The following C1orf185 variants were observed in gnomAD, a reference collection of about 807,000 sequenced individuals.
C1orf185 encodes the protein chromosome 1 open reading frame 185.
In C1orf185, 13 loss-of-function variants were observed where a neutral mutation model predicts 16.1. The ratio of observed to expected loss-of-function variants is 0.81; its 90% CI spans 0.53 to 1.28. C1orf185 has a LOEUF of 1.28. C1orf185 is among the 50% of genes most tolerant of loss of function. The probability of loss-of-function intolerance (pLI) is 0.00; values close to 1 mark genes in which losing one functional copy is unlikely to be tolerated. For synonymous variants in C1orf185, 80 were observed against 76.9 expected, an observed-to-expected ratio of 1.04 and a Z score of -0.21; for missense variants, 220 against 225.2, an observed-to-expected ratio of 0.98 and a Z score of 0.15.
chr1:51,124,081 G>GTTTTTTTTTTTTTTTTTTTTTT (rs893846873), intron 3 of C1orf185, among the ~76,000 whole-genome samples: 1 of 113,592 alleles, frequency 8.8e-6, no homozygotes, highest in African/African-American at 3.3e-5. Flanking sequence ...ACTGTAGTTT[G>GTTTTTTTTTTTTTTTTTTTTTT]TTTTTTTTTT....
intron 2 of C1orf185, among the ~76,000 whole-genome samples, chr1:51,117,610 T>C (rs1382210688): frequency 1.3e-5 from 2 of 152,214 alleles, no homozygotes; most frequent in East Asian, 3.9e-4. Flanking sequence ...AATCATATAG[T>C]ATGTAGCTTT....
At chr1:51,123,908 A>C (rs1646215812) in intron 3 of C1orf185, among the ~76,000 whole-genome samples, 1 of 151,838 alleles carries the variant, frequency 6.6e-6, no homozygotes, top group South Asian at 2.1e-4. Flanking sequence ...ATATATAACA[A>C]GTTTAAAATA....
At chr1:51,121,724 A>T (rs937758544) in intron 3 of C1orf185, among the ~76,000 whole-genome samples, 22 of 152,174 alleles carry the variant, frequency 1.4e-4, no homozygotes, top group African/African-American at 5.1e-4. Context: ...AAAACTAGAG[A>T]ATGATTTCTA....
In C1orf185 at chr1:51,147,447, T is replaced by C. The variant is rs1646408132; in HGVS notation, c.296-20T>C. On this transcript the variant is annotated intron_variant, in intron 4 of 4. Coordinates refer to ENST00000371759, the MANE Select transcript of C1orf185 (RefSeq NM_001136508.2). ...TTGGCTTGTGAATATATAATATTCA[T>C]AGTAAATCTGTTTTTACAGCAATTA... The C allele has an allele frequency of 1.3e-6, 2 of 1,485,706 alleles. No homozygotes were observed. The highest frequency in any genetic ancestry group is 1.4e-5 in the African/African-American group (1 of 70,804). 92.0% of individuals were successfully genotyped at this position (1,485,706 alleles called of 1,614,324 possible). A position where few individuals can be genotyped will look rare whatever the true frequency, so the allele number is the denominator to read the frequency against.
At chr1:51,103,480 G>A (rs764697294) in intron 1 of C1orf185, among the ~76,000 whole-genome samples, 1 of 145,106 alleles carries the variant, frequency 6.9e-6, no homozygotes, top group Admixed American at 6.9e-5. Context: ...AACTTGTTGA[G>A]TCTTGCTTTA....
At position 51,127,885 on chromosome 1, in the gene C1orf185, G is replaced by GTT. The variant is rs769457494; in HGVS notation, c.258+9103_258+9104dup. 5.4e-3 allele frequency among the ~76,000 whole-genome samples: 624 copies of GTT among 115,300 alleles called. 6 individuals are homozygous for GTT. The highest frequency in any genetic ancestry group is 0.013 in the African/African-American group (417 of 31,208). 75.6% of individuals were successfully genotyped at this position (115,300 alleles called of 152,430 possible). A position where few individuals can be genotyped will look rare whatever the true frequency, so the allele number is the denominator to read the frequency against. On this transcript the variant is annotated intron_variant, in intron 3 of 4. Transcript: ENST00000371759. ...ATATATTCTCATTTTTCTTTTCTTT[G>GTT]TTTTTTTTTTTTTTTTTTTTGAGAT...
Position 51,147,765 on chromosome 1 carries a change from T to C in C1orf185, c.594T>C (p.Thr198=), listed in dbSNP as rs1440256798. ...EEGTESVLND[T]L is the part of the protein sequence containing the mutation. ...GTACTGAAAGTGTACTGAATGACAC[T>C]TTATGACCATCAAAAAGATGACTAC... Residue 198 remains threonine, a synonymous_variant, in exon 5 of 5, where the codon ACT becomes ACC. Coordinates refer to ENST00000371759, the MANE Select transcript of C1orf185 (RefSeq NM_001136508.2). 5 of 1,513,528 alleles carry C rather than the reference T, an allele frequency of 3.3e-6. No homozygotes were observed. The Admixed American group carries it at 1.2e-4, about 35-fold the overall frequency. 93.8% of individuals were successfully genotyped at this position (1,513,528 alleles called of 1,614,324 possible).
At chr1:51,124,645 A>G (rs1318014510) in intron 3 of C1orf185, among the ~76,000 whole-genome samples, 1 of 152,224 alleles carries the variant, frequency 6.6e-6, no homozygotes, top group Non-Finnish European at 1.5e-5. Flanking sequence ...GAGTGGATCA[A>G]TGCAAATGGA....
intron 3 of C1orf185, among the ~76,000 whole-genome samples, chr1:51,124,774 T>C (rs1378003212): frequency 3.3e-5 from 5 of 152,200 alleles, no homozygotes; most frequent in Non-Finnish European, 7.4e-5. Context: ...CTTGTATTAA[T>C]GAGCAATGAA....
intron 2 of C1orf185, among the ~76,000 whole-genome samples, chr1:51,114,827 T>C (rs1000992015): frequency 2.0e-5 from 3 of 152,350 alleles, no homozygotes; most frequent in African/African-American, 7.2e-5. Context: ...AGATTTGAAA[T>C]GTACAGCTAT....
At chr1:51,105,784 T>TA (rs1372430972) in intron 1 of C1orf185, among the ~76,000 whole-genome samples, 1 of 152,180 alleles carries the variant, frequency 6.6e-6, no homozygotes, top group African/African-American at 2.4e-5. Context: ...TCTTTGTATA[T>TA]AATACGACTT....
In C1orf185 at chr1:51,147,773, C is replaced by T. The variant is rs1378328136; in HGVS notation, c.*2C>T. Reference sequence around the variant, plus strand: ...AGTGTACTGAATGACACTTTATGACCATCAAAAAGATGACTACATTAAGGG... The same window carrying T: ...AGTGTACTGAATGACACTTTATGACTATCAAAAAGATGACTACATTAAGGG... On this transcript the variant is annotated 3_prime_UTR_variant, in exon 5 of 5. Coordinates refer to ENST00000371759, the MANE Select transcript of C1orf185 (RefSeq NM_001136508.2). 1.3e-6 allele frequency: 2 copies of T among 1,502,698 alleles called. No homozygotes were observed. Among genetic ancestry groups the T allele is most frequent in the South Asian group, 2.6e-5 (2 of 76,938 alleles). 93.1% of individuals were successfully genotyped at this position (1,502,698 alleles called of 1,614,324 possible).
chr1:51,130,354 T>C (rs1244548504), intron 3 of C1orf185, among the ~76,000 whole-genome samples: 1 of 151,170 alleles, frequency 6.6e-6, no homozygotes. Flanking sequence ...TTTCTTTCTT[T>C]TTTTTTTTTT....
rs924672626 is a variant in C1orf185 at position 51,144,219 on chromosome 1, C to T, written c.259-1505C>T. 5.3e-5 allele frequency among the ~76,000 whole-genome samples: 8 copies of T among 152,290 alleles called. No individual in the cohort carries two copies. In the East Asian group the frequency reaches 1.5e-3, roughly 29 times the overall value. ...ATTAGAAATGCAGACTCTTATACCC[C>T]ATTCCAGACCTTCCGAGTCAGAATC... is the stretch of plus-strand genomic sequence containing the variant. On this transcript the variant is annotated intron_variant, in intron 3 of 4. Transcript: ENST00000371759.
rs1341941233 is a variant in C1orf185, at chr1:51,118,797, T to C, written c.254T>C (p.Leu85Ser). The part of the protein sequence containing the change: ...SRNFHTGRFQ[L>S]QEEQRKKEAA... ...AATTTTCATACTGGGAGATTCCAAT[T>C]ACAGGTAGGGTGTAATATTTTATAG... Residue 85 changes from leucine to serine, a missense_variant, in exon 3 of 5, where the codon TTA becomes TCA. By Grantham distance (145) the Leu-to-Ser change is moderately radical (BLOSUM62 -2). Transcript: ENST00000371759. 1.4e-6 allele frequency: 2 copies of C among 1,456,236 alleles called. No individual in the cohort carries two copies. The highest frequency in any genetic ancestry group is 1.8e-6 in the Non-Finnish European group (2 of 1,092,848). The allele number at this position is 1,456,236 out of a possible 1,614,324, so 90.2% of individuals were successfully genotyped here.
At position 51,118,711 on chromosome 1, in the gene C1orf185, C is replaced by T; in HGVS notation, c.168C>T (p.Cys56=). Residue 56 remains cysteine, a synonymous_variant, in exon 3 of 5, where the codon TGC becomes TGT. Coordinates refer to ENST00000371759, the MANE Select transcript of C1orf185 (RefSeq NM_001136508.2). The stretch of plus-strand genomic sequence containing the variant: ...AATTTAAAGCAATTGATGAGAGATG[C>T]AGGCAAAGACCATCAATGGCGAAGA... ...NSKFKAIDER[C]RQRPSMAKIK... is the part of the protein sequence containing the mutation. 6.8e-7 allele frequency: 1 copy of T among 1,460,772 alleles called. No individual in the cohort carries two copies. The highest frequency in any genetic ancestry group is 1.5e-5 in the South Asian group (1 of 66,832). The allele number at this position is 1,460,772 out of a possible 1,614,324, so 90.5% of individuals were successfully genotyped here.
chr1:51,128,316 C>A (rs1646257008), intron 3 of C1orf185, among the ~76,000 whole-genome samples: 1 of 152,210 alleles, frequency 6.6e-6, no homozygotes, highest in African/African-American at 2.4e-5. Flanking sequence ...TTCACTCCCA[C>A]CAGCAATAAG....
chr1:51,113,182 TC>T lies in C1orf185; in HGVS notation c.122+616del, dbSNP rs571371721. 1.9e-4 allele frequency among the ~76,000 whole-genome samples: 29 copies of T among 152,062 alleles called. No individual in the cohort carries two copies. In the South Asian group the frequency reaches 6.0e-3, roughly 32 times the overall value. ...GGTGAAAATGTTTTTAAAAATTGAC[TC>T]CCAATTTTAGAGATTGAAAACATTA... is the stretch of plus-strand genomic sequence containing the variant. On this transcript the variant is annotated intron_variant, in intron 2 of 4. Transcript: ENST00000371759.
At chr1:51,119,963 C>G (rs1296137857) in intron 3 of C1orf185, among the ~76,000 whole-genome samples, 1 of 151,978 alleles carries the variant, frequency 6.6e-6, no homozygotes, top group East Asian at 1.9e-4. Context: ...TAAGAGCTCA[C>G]AAAGTTGAAG....
Sources: gnomAD v4.1 joint callset for allele counts (sites outside exome capture counted in the v4.1 genomes callset) on GRCh38, gnomAD v4.1.1 for gene constraint, MANE v1.5 for transcripts, NCBI Gene and HGNC (gene_info 2026-07-23, HGNC 2026-07-21) for gene names.